Variants in SMIM7 observed in about 807,000 individuals in gnomAD.
SMIM7 encodes UPF0608 protein C19orf42.
SMIM7 carries 12 observed loss-of-function variants against 13.3 expected under a neutral mutation model. The observed-to-expected ratio is 0.90, with a 90% confidence interval of 0.58 to 1.46. The LOEUF (loss-of-function observed/expected upper bound fraction) is 1.46, where lower values mean the gene tolerates loss of function less well. SMIM7 is among the 40% of genes most tolerant of loss of function. The probability of loss-of-function intolerance (pLI) is 0.00; values close to 1 mark genes in which losing one functional copy is unlikely to be tolerated. For missense variants in SMIM7, 114 were observed against 94.8 expected (o/e 1.20, Z -0.84); for synonymous variants, 36 against 35.8 (o/e 1.01, Z -0.02).
intron 3 of SMIM7, 29 bp downstream of exon 3, chr19:16,659,366 T>A: frequency 6.2e-7 from 1 of 1,607,922 alleles, no homozygotes; most frequent in Non-Finnish European, 8.5e-7. Context: ...AAGTGGACCA[T>A]GCAATTCCAG....
At chr19:16,640,432 T>C (rs926718607) in intron 4 of SMIM7, 2 of 152,212 alleles carry the variant, frequency 1.3e-5, no homozygotes, top group Non-Finnish European at 2.9e-5. Context: ...AGGAGGCCTG[T>C]CAAATATTTC....
Position 16,635,897 on chromosome 19 carries a change from A to AT in SMIM7, c.*138-4174_*138-4173insA, listed in dbSNP as rs1219247102. 7.9e-3 allele frequency among the ~76,000 whole-genome samples: 981 copies of AT among 123,568 alleles called. 7 individuals carry two copies. The highest frequency in any genetic ancestry group is 0.028 in the African/African-American group (810 of 28,704). The allele number at this position is 123,568 out of a possible 152,430, so 81.1% of individuals were successfully genotyped here. ...AGACCCTGTCTCAAAAAAAAAAAAA[A>AT]AAATATATATATATATATATATATA... On this transcript the variant is annotated intron_variant and NMD_transcript_variant, in intron 4 of 4. Coordinates refer to the SMIM7 transcript ENST00000465250.
At chr19:16,649,802 A>G (rs1234420684) in intron 4 of SMIM7, among the ~76,000 whole-genome samples, 1 of 152,184 alleles carries the variant, frequency 6.6e-6, no homozygotes, top group Admixed American at 6.5e-5. Flanking sequence ...AAAGGAATGA[A>G]GCACTGCTCC....
At chr19:16,647,657 T>C (rs539828366) in intron 4 of SMIM7, among the ~76,000 whole-genome samples, 66 of 152,060 alleles carry the variant, frequency 4.3e-4, no homozygotes, top group African/African-American at 1.6e-3. Context: ...GGTTTCACCA[T>C]GTTGGCTGGG....
chr19:16,653,830 G>A (rs2086560966), intron 4 of SMIM7: 4 of 554,644 alleles, frequency 7.2e-6, no homozygotes, highest in Admixed American at 3.5e-5. Flanking sequence ...AAGAGGCCGA[G>A]GTTGCAGTGA....
chr19:16,634,007 A>G (rs1220055792), intron 4 of SMIM7: 1 of 152,228 alleles, frequency 6.6e-6, no homozygotes, highest in East Asian at 1.9e-4. Flanking sequence ...CCATCCTGTC[A>G]AGCGCTGGGA....
At chr19:16,657,547 C>T (rs892321920) in intron 3 of SMIM7, among the ~76,000 whole-genome samples, 2 of 152,214 alleles carry the variant, frequency 1.3e-5, no homozygotes, top group Non-Finnish European at 2.9e-5. Context: ...TCCTGATTCT[C>T]ATTGATTCCC....
chr19:16,659,354 T>C (rs767995173), intron 3 of SMIM7, 41 bp downstream of exon 3: 6 of 1,584,566 alleles, frequency 3.8e-6, no homozygotes, highest in Middle Eastern at 1.7e-4. Context: ...AACTGTCCTC[T>C]GAAGTGGACC....
chr19:16,650,203 G>A, intron 4 of SMIM7, among the ~76,000 whole-genome samples: 1 of 152,108 alleles, frequency 6.6e-6, no homozygotes, highest in East Asian at 1.9e-4. Flanking sequence ...GAGTTGTGTT[G>A]AAACACACTG....
chr19:16,635,966 C>T (rs1254412905), intron 4 of SMIM7, among the ~76,000 whole-genome samples: 1 of 149,550 alleles, frequency 6.7e-6, no homozygotes, highest in African/African-American at 2.5e-5. Context: ...GAGTACTTGC[C>T]CCTACTCCCC....
chr19:16,651,727 GC>G (rs1462516779), intron 4 of SMIM7, among the ~76,000 whole-genome samples: 1 of 147,830 alleles, frequency 6.8e-6, no homozygotes, highest in Admixed American at 6.8e-5. Flanking sequence ...CTTCTTCCCT[GC>G]CCCAGGACCT....
downstream of SMIM7, among the ~76,000 whole-genome samples, chr19:16,643,714 CA>C (rs2086421712): frequency 6.6e-6 from 1 of 152,042 alleles, no homozygotes. Context: ...TTTTTTCAAG[CA>C]AAGTAAAACA....
chr19:16,654,850 CATT>C (rs1345952649), intron 3 of SMIM7, among the ~76,000 whole-genome samples: 2 of 151,978 alleles, frequency 1.3e-5, no homozygotes, highest in East Asian at 3.8e-4. Context: ...AGCTGAGTCA[CATT>C]GTTGTGCCAG....
rs1390257128 is a variant in SMIM7 at position 16,660,127 on chromosome 19, T to G, written c.-17A>C. 5.0e-6 allele frequency: 8 copies of G among 1,614,020 alleles called. No homozygotes were observed. The highest frequency in any genetic ancestry group is 3.3e-5 in the South Asian group (3 of 91,062). On this transcript the variant is annotated 5_prime_UTR_variant, in exon 1 of 5. Coordinates refer to ENST00000487416, the MANE Select transcript of SMIM7 (RefSeq NM_024104.4). ...TCCGATCATCGTTACGGCCGAAGCG[T>G]CCGTCAGAACCGGAAGCGGAAGCCC...
intron 4 of SMIM7, among the ~76,000 whole-genome samples, chr19:16,648,292 C>T (rs2086476011): frequency 6.6e-6 from 1 of 152,114 alleles, no homozygotes; most frequent in South Asian, 2.1e-4. Context: ...AGGCACCCGC[C>T]ACCATGCCTG....
rs1361866440 is a variant in SMIM7 at position 16,646,236 on chromosome 19, C to CAGGTTTTG, written c.*1009_*1010insCAAAACCT. 1.4e-4 allele frequency: 21 copies of CAGGTTTTG among 152,012 alleles called. No homozygotes were observed. Among genetic ancestry groups the CAGGTTTTG allele is most frequent in the African/African-American group, 4.3e-4 (18 of 41,404 alleles). 9.4% of individuals were successfully genotyped at this position (152,012 alleles called of 1,614,324 possible). ...TTTTTCCTTCCTCCAGGTTTACCTC[C>CAGGTTTTG]AAGTCAGGATTTCAAAAACCACCAA... is the stretch of plus-strand genomic sequence containing the variant. On this transcript the variant is annotated 3_prime_UTR_variant, in exon 5 of 5. Transcript: ENST00000487416.
At chr19:16,656,667 G>A (rs951746248) in intron 3 of SMIM7, among the ~76,000 whole-genome samples, 2 of 152,138 alleles carry the variant, frequency 1.3e-5, no homozygotes, top group African/African-American at 4.8e-5. Flanking sequence ...GGGAGGCCAA[G>A]GAGGGCAGAT....
At chr19:16,644,450 T>C (rs1038534592), downstream of SMIM7, among the ~76,000 whole-genome samples, 31 of 150,360 alleles carry the variant, frequency 2.1e-4, no homozygotes, top group Admixed American at 1.2e-3. Flanking sequence ...TTTTTTTTTT[T>C]CCGAGACAGA....
At chr19:16,655,215 G>T (rs900168520) in intron 3 of SMIM7, 1 of 404,940 alleles carries the variant, frequency 2.5e-6, no homozygotes, top group Non-Finnish European at 5.0e-6. Flanking sequence ...TGAAAGGGAA[G>T]GTGTTTCTTG....
Sources: gnomAD v4.1 joint callset for allele counts (sites outside exome capture counted in the v4.1 genomes callset) on GRCh38, gnomAD v4.1.1 for gene constraint, MANE v1.5 for transcripts, NCBI Gene and HGNC (gene_info 2026-07-23, HGNC 2026-07-21) for gene names.